KCNK10: variants seen among roughly 807,000 people sequenced by gnomAD.
KCNK10 encodes the protein potassium two pore domain channel subfamily K member 10.
KCNK10 carries 25 observed loss-of-function variants against 47.7 expected under a neutral mutation model. The ratio of observed to expected loss-of-function variants is 0.52; its 90% CI spans 0.38 to 0.73. The LOEUF (loss-of-function observed/expected upper bound fraction) is 0.73, where lower values mean the gene tolerates loss of function less well. KCNK10 is among the 30% of genes least tolerant of loss of function. The pLI, the probability that KCNK10 is intolerant of heterozygous loss-of-function variation, is 0.00. For synonymous variants in KCNK10, 303 were observed against 285.6 expected (o/e 1.06, Z -0.61); for missense variants, 563 against 714.5 (o/e 0.79, Z 2.42).
intron 1 of KCNK10, among the ~76,000 whole-genome samples, chr14:88,289,125 C>T (rs965739508): frequency 4.6e-5 from 7 of 152,202 alleles, no homozygotes; most frequent in African/African-American, 1.7e-4. Context: ...CACCCCACCT[C>T]TGCCCTCCAT....
At chr14:88,287,122 G>A (rs1223031134) in intron 1 of KCNK10, among the ~76,000 whole-genome samples, 5 of 152,160 alleles carry the variant, frequency 3.3e-5, no homozygotes, top group South Asian at 4.1e-4. Flanking sequence ...CCACTAACAG[G>A]CAGGGCCAGG....
At chr14:88,216,842 C>A (rs1885635510) in intron 4 of KCNK10, among the ~76,000 whole-genome samples, 1 of 152,150 alleles carries the variant, frequency 6.6e-6, no homozygotes, top group South Asian at 2.1e-4. Context: ...TACATTAAAA[C>A]CAGGGCCTTC....
rs1452084327 is a variant in KCNK10, at chr14:88,323,163, C to T, written c.-365G>A. 8.9e-7 allele frequency: 1 copy of T among 1,120,696 alleles called. No individual in the cohort carries two copies. Among genetic ancestry groups the T allele is most frequent in the Non-Finnish European group, 1.1e-6 (1 of 910,130 alleles). 69.4% of individuals were successfully genotyped at this position (1,120,696 alleles called of 1,614,324 possible). A position where few individuals can be genotyped will look rare whatever the true frequency, so the allele number is the denominator to read the frequency against. On this transcript the variant is annotated 5_prime_UTR_variant, in exon 1 of 7. Coordinates refer to ENST00000319231, the MANE Select transcript of KCNK10 (RefSeq NM_138317.3). ...GGTTAGGGGCTGCGCAGCCTGAAGGCTGGGGCTACGGAGAAGCCCACTGCA... is the reference window on the plus strand; with the variant it reads ...GGTTAGGGGCTGCGCAGCCTGAAGGTTGGGGCTACGGAGAAGCCCACTGCA...
chr14:88,318,372 C>T lies in KCNK10; in HGVS notation c.52+4375G>A, dbSNP rs116795959. Among the ~76,000 whole-genome samples, 1,140 of 152,294 alleles carry T rather than the reference C, an allele frequency of 7.5e-3. 17 individuals carry two copies. The highest frequency in any genetic ancestry group is 0.029 in the East Asian group (152 of 5,180). On this transcript the variant is annotated intron_variant, in intron 1 of 6. Transcript: ENST00000319231. ...ACAGAGAAAGTCCCTGCTCATGCACCTCATATGCTAGTAAAGGAGGCTGGC... is the reference window on the plus strand; with the variant it reads ...ACAGAGAAAGTCCCTGCTCATGCACTTCATATGCTAGTAAAGGAGGCTGGC...
At chr14:88,285,714 T>C (rs1221994329) in intron 1 of KCNK10, among the ~76,000 whole-genome samples, 2 of 152,218 alleles carry the variant, frequency 1.3e-5, no homozygotes, top group Non-Finnish European at 2.9e-5. Context: ...TTTTAGAGTA[T>C]GTCCAAATTT....
chr14:88,326,516 C>G (rs1888666213), upstream of KCNK10: 3 of 1,357,530 alleles, frequency 2.2e-6, no homozygotes, highest in African/African-American at 4.3e-5. Context: ...ACTTCCATGG[C>G]TATTGCTTCA....
chr14:88,263,908 C>G (rs925503298), intron 1 of KCNK10, among the ~76,000 whole-genome samples: 3 of 152,130 alleles, frequency 2.0e-5, no homozygotes, highest in Admixed American at 6.5e-5. Context: ...AACAAATCAT[C>G]AGATTTAAAA....
At chr14:88,187,890 CA>C in intron 6 of KCNK10, 76 bp downstream of exon 6, 1 of 1,544,862 alleles carries the variant, frequency 6.5e-7, no homozygotes, top group Non-Finnish European at 8.9e-7. Context: ...CTCCAGCCCA[CA>C]GGACAGAGAC....
chr14:88,253,991 G>T (rs571178253), intron 2 of KCNK10, among the ~76,000 whole-genome samples: 246 of 152,232 alleles, frequency 1.6e-3, no homozygotes, highest in African/African-American at 5.4e-3. Flanking sequence ...GACCAGTCAG[G>T]GTGAGGGGGA....
intron 4 of KCNK10, among the ~76,000 whole-genome samples, chr14:88,211,455 T>C (rs1216639534): frequency 1.3e-5 from 2 of 152,160 alleles, no homozygotes; most frequent in African/African-American, 2.4e-5. Context: ...ACAATGTGAA[T>C]GTACTTAATG....
intron 4 of KCNK10, among the ~76,000 whole-genome samples, chr14:88,226,967 A>G (rs1940542): frequency 0.29 from 44,267 of 152,070 alleles, 7,091 homozygotes; most frequent in East Asian, 0.47. Context: ...GGATTAGCCT[A>G]AAGACACTGT....
intron 1 of KCNK10, among the ~76,000 whole-genome samples, chr14:88,317,756 C>G (rs1447633564): frequency 6.6e-6 from 1 of 152,152 alleles, no homozygotes; most frequent in Admixed American, 6.5e-5. Context: ...TTTTAAAGTA[C>G]AAATGAGATC....
At chr14:88,323,453 C>G (rs1320933159), upstream of KCNK10, among the ~76,000 whole-genome samples, 1 of 149,176 alleles carries the variant, frequency 6.7e-6, no homozygotes, top group Non-Finnish European at 1.5e-5. Flanking sequence ...CCAGACGCCG[C>G]GCCCCGGCAA....
chr14:88,215,071 A>G (rs1885575923), intron 4 of KCNK10, among the ~76,000 whole-genome samples: 1 of 152,194 alleles, frequency 6.6e-6, no homozygotes, highest in Non-Finnish European at 1.5e-5. Flanking sequence ...CCAAACTCAT[A>G]TAATTAAGAA....
In KCNK10 at chr14:88,182,286, C is replaced by T. The variant is rs1333254076; in HGVS notation, c.*3249G>A. On this transcript the variant is annotated 3_prime_UTR_variant, in exon 7 of 7. Coordinates refer to ENST00000319231, the MANE Select transcript of KCNK10 (RefSeq NM_138317.3). ...TGAAGATGGTGGACGTGTGCTCTTT[C>T]TTTGTGTGAAATCGAAACATTTCTC... 6.6e-6 allele frequency: 1 copy of T among 152,260 alleles called. No homozygotes were observed. Among genetic ancestry groups the T allele is most frequent in the African/African-American group, 2.4e-5 (1 of 41,416 alleles). The allele number at this position is 152,260 out of a possible 1,614,324, so 9.4% of individuals were successfully genotyped here.
At chr14:88,237,125 C>A (rs913164989) in intron 3 of KCNK10, among the ~76,000 whole-genome samples, 4 of 152,340 alleles carry the variant, frequency 2.6e-5, no homozygotes, top group South Asian at 2.1e-4. Context: ...ATTCTGAATT[C>A]TTTGTTGTCA....
intron 1 of KCNK10, among the ~76,000 whole-genome samples, chr14:88,305,655 A>G (rs930205474): frequency 2.6e-5 from 4 of 152,198 alleles, no homozygotes; most frequent in Non-Finnish European, 5.9e-5. Context: ...AAGCTTTACC[A>G]TATGTCTTCA....
At chr14:88,310,585 G>A (rs183224547) in intron 1 of KCNK10, among the ~76,000 whole-genome samples, 21 of 152,256 alleles carry the variant, frequency 1.4e-4, no homozygotes, top group African/African-American at 3.9e-4. Flanking sequence ...GAGGCTGAAT[G>A]CAGAGATTAT....
chr14:88,303,827 G>A (rs1048402744), intron 1 of KCNK10, among the ~76,000 whole-genome samples: 3 of 152,074 alleles, frequency 2.0e-5, no homozygotes, highest in Non-Finnish European at 4.4e-5. Flanking sequence ...AATGTAAAAT[G>A]TTTCTCAAGA....
Sources: allele counts gnomAD v4.1 joint callset (sites outside exome capture counted in the v4.1 genomes callset), GRCh38; gene constraint gnomAD v4.1.1; transcripts MANE v1.5; gene names NCBI Gene and HGNC (gene_info 2026-07-23, HGNC 2026-07-21).